SND1: variants seen among roughly 807,000 people sequenced by gnomAD.
SND1 encodes staphylococcal nuclease and tudor domain containing 1.
Under a neutral mutation model 121.7 loss-of-function variants are expected in SND1, and 38 were observed. The ratio of observed to expected loss-of-function variants is 0.31; its 90% CI spans 0.24 to 0.41. The LOEUF is 0.41. Among genes scored for constraint, SND1 ranks in the 10% least tolerant of loss-of-function variants. SND1 has a pLI of 1.00. For synonymous variants in SND1, 401 were observed against 447.4 expected (o/e 0.90, Z 1.31); for missense variants, 868 against 1,184.6 (o/e 0.73, Z 3.92).
intron 10 of SND1, among the ~76,000 whole-genome samples, chr7:127,774,501 T>A (rs1797578065): frequency 6.6e-6 from 1 of 152,160 alleles, no homozygotes; most frequent in Non-Finnish European, 1.5e-5. Context: ...CTCACCCAAA[T>A]TAACTTCCCT....
At chr7:127,934,264 C>A (rs990831428) in intron 15 of SND1, among the ~76,000 whole-genome samples, 17 of 152,126 alleles carry the variant, frequency 1.1e-4, no homozygotes, top group African/African-American at 4.1e-4. Flanking sequence ...TGGATCTGGG[C>A]AACCACATAG....
At chr7:128,018,027 G>A (rs968550708) in intron 16 of SND1, among the ~76,000 whole-genome samples, 4 of 152,166 alleles carry the variant, frequency 2.6e-5, no homozygotes, top group Admixed American at 6.5e-5. Flanking sequence ...AGTATCACCC[G>A]GGAGACCCCT....
At chr7:128,028,888 CTGTTGCTGCTGCGGA>C in intron 16 of SND1, 12 of 1,614,038 alleles carry the variant, frequency 7.4e-6, no homozygotes, top group Middle Eastern at 1.7e-4. Context: ...GACGGAGCTG[CTGTTGCTGCTGCGGA>C]TGTTGCTGCT....
chr7:127,657,928 A>G (rs944286626), intron 1 of SND1, among the ~76,000 whole-genome samples: 2 of 152,176 alleles, frequency 1.3e-5, no homozygotes, highest in Non-Finnish European at 2.9e-5. Flanking sequence ...AAAGGAAGAG[A>G]GGCAGTGGAG....
intron 10 of SND1, among the ~76,000 whole-genome samples, chr7:127,740,041 C>G (rs1224861230): frequency 6.6e-6 from 1 of 152,218 alleles, no homozygotes; most frequent in African/African-American, 2.4e-5. Context: ...TTCTGGCTGG[C>G]AGATTCGCCC....
At chr7:127,708,875 C>G (rs369965618) in intron 9 of SND1, among the ~76,000 whole-genome samples, 1 of 152,310 alleles carries the variant, frequency 6.6e-6, no homozygotes, top group East Asian at 1.9e-4. Flanking sequence ...GGTTCTGTCT[C>G]CCTGTCAACT....
At chr7:127,833,097 G>C (rs942526029) in intron 11 of SND1, among the ~76,000 whole-genome samples, 3 of 152,066 alleles carry the variant, frequency 2.0e-5, no homozygotes, top group Admixed American at 1.3e-4. Context: ...AAATAGCCAA[G>C]TGTATTTTAT....
intron 1 of SND1, among the ~76,000 whole-genome samples, chr7:127,663,280 T>C (rs1214615147): frequency 6.6e-6 from 1 of 152,166 alleles, no homozygotes; most frequent in Non-Finnish European, 1.5e-5. Flanking sequence ...TGTTTTAAAA[T>C]TTTTTTATTG....
intron 16 of SND1, among the ~76,000 whole-genome samples, chr7:128,073,789 C>G (rs1793455762): frequency 6.6e-6 from 1 of 152,148 alleles, no homozygotes; most frequent in Non-Finnish European, 1.5e-5. Context: ...CTGAGGCTGC[C>G]CTTTTAGAAA....
At chr7:127,979,875 AGTGGGCAGACTTAGTCTTCAG>A (rs2116899475) in intron 15 of SND1, among the ~76,000 whole-genome samples, 1 of 152,320 alleles carries the variant, frequency 6.6e-6, no homozygotes, top group African/African-American at 2.4e-5. Context: ...CTGTAAAATC[AGTGGGCAGACTTAGTCTTCAG>A]GAAGTTGTCT....
chr7:128,035,708 T>A (rs915195656), intron 16 of SND1, among the ~76,000 whole-genome samples: 7 of 152,226 alleles, frequency 4.6e-5, no homozygotes, highest in Non-Finnish European at 1.0e-4. Context: ...AACTATACTT[T>A]GCTGGATTGG....
intron 16 of SND1, among the ~76,000 whole-genome samples, chr7:127,997,053 CATA>C (rs1430772311): frequency 6.6e-6 from 1 of 152,138 alleles, no homozygotes; most frequent in African/African-American, 2.4e-5. Context: ...TGTTTTCATG[CATA>C]ATGTTTCATT....
chr7:127,918,249 A>G (rs953651387), intron 14 of SND1, among the ~76,000 whole-genome samples: 6 of 150,882 alleles, frequency 4.0e-5, no homozygotes, highest in African/African-American at 1.5e-4. Context: ...TTTTTTCAGT[A>G]GAGAAGGGCT....
intron 8 of SND1, among the ~76,000 whole-genome samples, chr7:127,706,701 A>G (rs1055673488): frequency 6.6e-6 from 1 of 152,144 alleles, no homozygotes; most frequent in Non-Finnish European, 1.5e-5. Context: ...TGCAAATCCT[A>G]TTTTGATAAT....
chr7:127,813,826 G>T (rs1798377584), intron 11 of SND1, among the ~76,000 whole-genome samples: 1 of 152,196 alleles, frequency 6.6e-6, no homozygotes. Context: ...GCCTCCCAAA[G>T]TGCTGGGATT....
At chr7:127,974,909 T>G (rs1432440124) in intron 15 of SND1, among the ~76,000 whole-genome samples, 2 of 152,132 alleles carry the variant, frequency 1.3e-5, no homozygotes. Flanking sequence ...CCCTGGGTCT[T>G]GAGTTGTATT....
intron 10 of SND1, among the ~76,000 whole-genome samples, chr7:127,789,545 C>T (rs1025168927): frequency 2.0e-5 from 3 of 152,150 alleles, no homozygotes; most frequent in Non-Finnish European, 4.4e-5. Flanking sequence ...TAATCGTAAG[C>T]TAAACATTCA....
At chr7:127,708,807 C>G (rs1175422774) in intron 9 of SND1, among the ~76,000 whole-genome samples, 2 of 152,150 alleles carry the variant, frequency 1.3e-5, no homozygotes, top group East Asian at 1.9e-4. Context: ...CCAAGAGATG[C>G]TAGAAGTTTT....
At chr7:128,023,535 G>T (rs1378642468) in intron 16 of SND1, among the ~76,000 whole-genome samples, 1 of 152,186 alleles carries the variant, frequency 6.6e-6, no homozygotes, top group Non-Finnish European at 1.5e-5. Flanking sequence ...ATCTATTCCT[G>T]GACTAAATCA....
Sources: allele counts gnomAD v4.1 joint callset (sites outside exome capture counted in the v4.1 genomes callset), GRCh38; gene constraint gnomAD v4.1.1; transcripts MANE v1.5; gene names NCBI Gene and HGNC (gene_info 2026-07-23, HGNC 2026-07-21).